The following PRR16 variants were observed in gnomAD, a reference collection of about 807,000 sequenced individuals.
PRR16 encodes the protein proline rich 16.
A neutral mutation model predicts 18.2 loss-of-function variants in PRR16; 6 were observed. That is an observed-to-expected ratio of 0.33 (90% CI 0.18 to 0.65). The LOEUF (loss-of-function observed/expected upper bound fraction) is 0.65, where lower values mean the gene tolerates loss of function less well. Ranked by LOEUF, PRR16 falls within the 30% of genes least tolerant of loss-of-function variation. The pLI is 0.74. For missense variants in PRR16, 412 were observed against 376.6 expected, an observed-to-expected ratio of 1.09 and a Z score of -0.78; for synonymous variants, 151 against 147.8, an observed-to-expected ratio of 1.02 and a Z score of -0.16.
chr5:120,709,489 T>G, the PRR16 span, among the ~76,000 whole-genome samples: 2 of 152,196 alleles, frequency 1.3e-5, no homozygotes, highest in Non-Finnish European at 2.9e-5. Context: ...TTCTTTATGT[T>G]GTGACCATTC....
At chr5:120,510,478 TGA>T (rs2112856061) in intron 1 of PRR16, among the ~76,000 whole-genome samples, 1 of 152,278 alleles carries the variant, frequency 6.6e-6, no homozygotes, top group South Asian at 2.1e-4. Context: ...CTGCTATCTG[TGA>T]GAGATTATTT....
the PRR16 span, among the ~76,000 whole-genome samples, chr5:120,787,112 T>A: frequency 6.6e-6 from 1 of 152,328 alleles, no homozygotes; most frequent in East Asian, 1.9e-4. Flanking sequence ...ATCTTTCTGT[T>A]GATCATTTAT....
At chr5:120,561,211 G>A (rs1277479414) in intron 1 of PRR16, among the ~76,000 whole-genome samples, 1 of 151,712 alleles carries the variant, frequency 6.6e-6, no homozygotes, top group African/African-American at 2.4e-5. Flanking sequence ...TCATTAGGTT[G>A]TTTATTTGAA....
At chr5:120,495,750 C>A (rs955941327) in intron 1 of PRR16, among the ~76,000 whole-genome samples, 1 of 151,920 alleles carries the variant, frequency 6.6e-6, no homozygotes, top group Non-Finnish European at 1.5e-5. Flanking sequence ...GACAATCGTA[C>A]CCTTTGCAAA....
At chr5:120,548,405 A>G (rs1752143337) in intron 1 of PRR16, among the ~76,000 whole-genome samples, 2 of 152,142 alleles carry the variant, frequency 1.3e-5, no homozygotes, top group South Asian at 4.1e-4. Flanking sequence ...TTCTTTGAGC[A>G]AATTTTTAGA....
At chr5:120,717,124 A>G in the PRR16 span, among the ~76,000 whole-genome samples, 1 of 152,196 alleles carries the variant, frequency 6.6e-6, no homozygotes, top group African/African-American at 2.4e-5. Flanking sequence ...GCTGTGATGA[A>G]CATATTACTA....
chr5:120,623,934 C>A (rs1754778008), intron 1 of PRR16, among the ~76,000 whole-genome samples: 1 of 151,738 alleles, frequency 6.6e-6, no homozygotes, highest in South Asian at 2.1e-4. Context: ...TTGTATATAA[C>A]AACTATTAAT....
chr5:120,547,522 C>T (rs756112909), intron 1 of PRR16, among the ~76,000 whole-genome samples: 67 of 151,720 alleles, frequency 4.4e-4, no homozygotes, highest in Non-Finnish European at 8.4e-4. Context: ...TGTTTCTGCC[C>T]TTGGAAGGCA....
chr5:120,495,193 T>C (rs931953687), intron 1 of PRR16, among the ~76,000 whole-genome samples: 8 of 152,158 alleles, frequency 5.3e-5, no homozygotes, highest in African/African-American at 1.9e-4. Flanking sequence ...TAAATCTTCT[T>C]ATCCATGAAC....
At chr5:120,667,493 C>G (rs1159807260) in intron 1 of PRR16, among the ~76,000 whole-genome samples, 1 of 151,600 alleles carries the variant, frequency 6.6e-6, no homozygotes, top group African/African-American at 2.4e-5. Context: ...TTGCCTTCTG[C>G]TAGCTTTTGA....
chr5:120,583,826 A>G (rs1753351236), intron 1 of PRR16, among the ~76,000 whole-genome samples: 2 of 152,212 alleles, frequency 1.3e-5, no homozygotes, highest in Admixed American at 6.5e-5. Context: ...CTGGCACCGT[A>G]TCTGTAATCA....
At chr5:120,699,863 A>T in the PRR16 span, among the ~76,000 whole-genome samples, 2 of 152,164 alleles carry the variant, frequency 1.3e-5, no homozygotes, top group Admixed American at 6.5e-5. Flanking sequence ...CAGGGAGAGC[A>T]TGTGTGTTTT....
chr5:120,465,320 C>T (rs1279140993), intron 1 of PRR16, among the ~76,000 whole-genome samples: 2 of 152,244 alleles, frequency 1.3e-5, no homozygotes, highest in Admixed American at 6.5e-5. Flanking sequence ...GCCACCCTAC[C>T]TCTGCTTCCT....
the PRR16 span, among the ~76,000 whole-genome samples, chr5:120,716,199 C>A: frequency 1.3e-5 from 2 of 152,110 alleles, no homozygotes; most frequent in East Asian, 3.9e-4. Flanking sequence ...TTTGTCAAAC[C>A]CTTTTCCAAA....
At chr5:120,760,919 A>G in the PRR16 span, among the ~76,000 whole-genome samples, 1 of 151,872 alleles carries the variant, frequency 6.6e-6, no homozygotes, top group African/African-American at 2.4e-5. Context: ...TCACTTCTCT[A>G]TTTGTATCCT....
intron 1 of PRR16, among the ~76,000 whole-genome samples, chr5:120,666,519 G>T (rs1181260946): frequency 6.6e-6 from 1 of 151,668 alleles, no homozygotes; most frequent in Non-Finnish European, 1.5e-5. Flanking sequence ...GTGAGAGAGG[G>T]CATCCCTGTC....
At chr5:120,481,065 A>G in intron 1 of PRR16, 1 of 1,141,704 alleles carries the variant, frequency 8.8e-7, no homozygotes. Context: ...GGCAGGCAAT[A>G]CTTTGGCCCA....
Position 120,657,825 on chromosome 5 carries a change from C to T in PRR16, c.160-28129C>T, listed in dbSNP as rs75836049. Among the ~76,000 whole-genome samples the T allele has an allele frequency of 6.6e-5, 10 of 152,024 alleles. No individual in the cohort carries two copies. In the East Asian group the frequency reaches 1.2e-3, roughly 18 times the overall value. Reference sequence around the variant, plus strand: ...TGTTCCCCCACCTATTGCCTCCCACCTTCTGCTTTTTGTTCATTTTTTGGA... The same window carrying T: ...TGTTCCCCCACCTATTGCCTCCCACTTTCTGCTTTTTGTTCATTTTTTGGA... On this transcript the variant is annotated intron_variant, in intron 1 of 1. Transcript: ENST00000407149.
chr5:120,693,179 C>A, the PRR16 span, among the ~76,000 whole-genome samples: 1 of 152,022 alleles, frequency 6.6e-6, no homozygotes, highest in Non-Finnish European at 1.5e-5. Flanking sequence ...CAACTCGAAA[C>A]AAGAAAGCCC....
Sources: gnomAD v4.1 joint callset for allele counts (sites outside exome capture counted in the v4.1 genomes callset) on GRCh38, gnomAD v4.1.1 for gene constraint, MANE v1.5 for transcripts, NCBI Gene and HGNC (gene_info 2026-07-23, HGNC 2026-07-21) for gene names.